Variants in UGT2B4 observed in about 807,000 individuals in gnomAD.
UGT2B4 encodes UDP-glucuronosyltransferase 2B4.
In UGT2B4, 49 loss-of-function variants were observed where a neutral mutation model predicts 49.8. The observed-to-expected ratio is 0.98, with a 90% confidence interval of 0.78 to 1.25. UGT2B4 has a LOEUF of 1.25. Ranked by LOEUF, UGT2B4 falls within the 50% of genes most tolerant of loss-of-function variation. The pLI, the probability that UGT2B4 is intolerant of heterozygous loss-of-function variation, is 0.00. For missense variants in UGT2B4, 729 were observed against 627.7 expected, an observed-to-expected ratio of 1.16 and a Z score of -1.73; for synonymous variants, 246 against 217.7, an observed-to-expected ratio of 1.13 and a Z score of -1.14.
In UGT2B4 at chr4:69,522,359, T is replaced by C. The variant is rs535342912; in HGVS notation, c.-106+3328A>G. Among the ~76,000 whole-genome samples, 4 of 152,308 alleles carry C rather than the reference T, an allele frequency of 2.6e-5. No homozygotes were observed. The East Asian group carries it at 7.7e-4, about 29-fold the overall frequency. On this transcript the variant is annotated intron_variant, in intron 1 of 1. Coordinates refer to the UGT2B4 transcript ENST00000510114. Reference sequence around the variant, plus strand: ...TCCGTTAGGTGGGAGGTAACAAACATGAAAAATCTACAGGTAAACTTCAGA... The same window carrying C: ...TCCGTTAGGTGGGAGGTAACAAACACGAAAAATCTACAGGTAAACTTCAGA...
intron 5 of UGT2B4, among the ~76,000 whole-genome samples, chr4:69,484,364 G>A (rs1322000940): frequency 6.6e-6 from 1 of 151,902 alleles, no homozygotes; most frequent in Non-Finnish European, 1.5e-5. Context: ...GCCACAACTG[G>A]AAACAATCAA....
chr4:69,491,882 T>TA (rs952042312), intron 2 of UGT2B4, among the ~76,000 whole-genome samples: 18 of 152,152 alleles, frequency 1.2e-4, no homozygotes, highest in African/African-American at 4.3e-4. Context: ...TCAACATAGA[T>TA]ATTGGATTTT....
At chr4:69,488,914 T>A (rs1367011799) in intron 3 of UGT2B4, among the ~76,000 whole-genome samples, 1 of 152,084 alleles carries the variant, frequency 6.6e-6, no homozygotes, top group Non-Finnish European at 1.5e-5. Context: ...AATAGTACCC[T>A]GAATATCACT....
At chr4:69,525,439 T>C (rs1192806861) in intron 1 of UGT2B4, among the ~76,000 whole-genome samples, 2 of 152,134 alleles carry the variant, frequency 1.3e-5, no homozygotes, top group Admixed American at 1.3e-4. Context: ...TTAGGTAAAG[T>C]ATGATACCAA....
chr4:69,495,481 A>C lies in UGT2B4; in HGVS notation c.381T>G (p.Cys127Trp). 1 of 1,612,468 alleles carries C rather than the reference A, an allele frequency of 6.2e-7. No homozygotes were observed. The highest frequency in any genetic ancestry group is 8.5e-7 in the Non-Finnish European group (1 of 1,179,054). ...WTFNDILRKFCKDIVSNKKLM... is the reference protein window; with the variant it reads ...WTFNDILRKFWKDIVSNKKLM... ...GTTTCTTATTTGAAACTATATCCTTACAGAACTTTCTAAGTATGTCATTAA... is the reference window on the plus strand; with the variant it reads ...GTTTCTTATTTGAAACTATATCCTTCCAGAACTTTCTAAGTATGTCATTAA... The change falls in exon 1 of 6, where the codon TGT becomes TGG. Residue 127 changes from cysteine to tryptophan, a missense_variant. Transcript: ENST00000305107.
intron 1 of UGT2B4, among the ~76,000 whole-genome samples, chr4:69,519,400 T>C (rs1029005299): frequency 6.6e-6 from 1 of 152,128 alleles, no homozygotes; most frequent in Non-Finnish European, 1.5e-5. Context: ...TTATTATATC[T>C]GAGATCAGAA....
rs1728122824 is a variant in UGT2B4 at position 69,495,378 on chromosome 4, C to T, written c.484G>A (p.Glu162Lys). The T allele has an allele frequency of 3.7e-6, 6 of 1,613,756 alleles. No homozygotes were observed. Among genetic ancestry groups the T allele is most frequent in the African/African-American group, 1.3e-5 (1 of 74,920 alleles). The part of the protein sequence containing the change: ...AVFPFGELLA[E>K]LLKIPFVYSL... ...TAGACAAAGGGTATTTTAAGTAACT[C>T]GGCCAGCAGCTCACCAAAGGGGAAA... Residue 162 changes from glutamate (E) to lysine (K), a missense_variant, in exon 1 of 6, where the codon GAG becomes AAG. By Grantham distance (56) the Glu-to-Lys change is moderately conservative. Coordinates refer to ENST00000305107, the MANE Select transcript of UGT2B4 (RefSeq NM_021139.3).
chr4:69,495,774 G>C lies in UGT2B4; in HGVS notation c.88C>G (p.Pro30Ala). ...TTCATCCAGTGGCTGAATTCTGTGG[G>C]CCACACCAGCACCTTTCCACAACTC... Reference protein sequence around the residue: ...SGSCGKVLVWPTEFSHWMNIK... With the variant: ...SGSCGKVLVWATEFSHWMNIK... The change falls in exon 1 of 6, where the codon CCC (proline) becomes GCC (alanine). Residue 30 changes from proline to alanine, a missense_variant. Transcript: ENST00000305107. 4 of 1,613,946 alleles carry C rather than the reference G, an allele frequency of 2.5e-6. No homozygotes were observed. Among genetic ancestry groups the C allele is most frequent in the Non-Finnish European group, 3.4e-6 (4 of 1,179,932 alleles).
chr4:69,491,239 T>C (rs1201560214), intron 2 of UGT2B4, among the ~76,000 whole-genome samples: 1 of 152,060 alleles, frequency 6.6e-6, no homozygotes, highest in Non-Finnish European at 1.5e-5. Context: ...TCACTTTACT[T>C]GTATTATAGC....
Position 69,495,293 on chromosome 4 carries a change from G to A in UGT2B4, c.569C>T (p.Pro190Leu), listed in dbSNP as rs1054275798. Residue 190 changes from proline to leucine, a missense_variant, in exon 1 of 6, where the codon CCT becomes CTT. Transcript: ENST00000305107. ...CATAACAACAGGCACATAGGAAGGA[G>A]GGAACAGAAGTCCTCCACTATGCTT... ...IEKHSGGLLF[P>L]PSYVPVVMSE... The A allele has an allele frequency of 1.4e-5, 23 of 1,613,056 alleles. No individual in the cohort carries two copies. Among genetic ancestry groups the A allele is most frequent in the Non-Finnish European group, 1.9e-5 (23 of 1,179,666 alleles).
Position 69,480,629 on chromosome 4 carries a change from C to A in UGT2B4, c.*5G>T. The A allele has an allele frequency of 6.2e-7, 1 of 1,612,386 alleles. No individual in the cohort carries two copies. The highest frequency in any genetic ancestry group is 8.5e-7 in the Non-Finnish European group (1 of 1,178,772). ...GGGTTTCCCAGCTTCCAGCCTCAGA[C>A]GTAATTAATCTCTTTTCCCCTTCTT... On this transcript the variant is annotated 3_prime_UTR_variant, in exon 6 of 6. Coordinates refer to ENST00000305107, the MANE Select transcript of UGT2B4 (RefSeq NM_021139.3).
intron 1 of UGT2B4, among the ~76,000 whole-genome samples, chr4:69,524,746 A>C (rs1728935167): frequency 6.6e-6 from 1 of 152,114 alleles, no homozygotes; most frequent in East Asian, 1.9e-4. Context: ...AACAAAGTGC[A>C]ATAAAATAAG....
At chr4:69,509,108 T>C (rs1728544332) in intron 1 of UGT2B4, among the ~76,000 whole-genome samples, 1 of 152,112 alleles carries the variant, frequency 6.6e-6, no homozygotes, top group African/African-American at 2.4e-5. Flanking sequence ...CTTAATATTA[T>C]TTTCTGAAGG....
intron 2 of UGT2B4, among the ~76,000 whole-genome samples, chr4:69,493,334 A>G (rs1453098666): frequency 1.3e-5 from 2 of 152,094 alleles, no homozygotes; most frequent in Non-Finnish European, 2.9e-5. Flanking sequence ...ATCTTTCAAA[A>G]TAGAATGTAA....
chr4:69,494,943 T>C (rs1577889594), intron 1 of UGT2B4, among the ~76,000 whole-genome samples, 198 bp downstream of exon 1: 2 of 152,172 alleles, frequency 1.3e-5, no homozygotes, highest in African/African-American at 2.4e-5. Context: ...GTATGAGTGA[T>C]GGCCACAGAG....
chr4:69,491,823 G>A (rs2109810959), intron 2 of UGT2B4, among the ~76,000 whole-genome samples: 1 of 151,982 alleles, frequency 6.6e-6, no homozygotes, highest in Non-Finnish European at 1.5e-5. Context: ...TCTTATCTCA[G>A]CTTTTGTCTC....
chr4:69,487,608 AG>A (rs1344361109), intron 3 of UGT2B4, among the ~76,000 whole-genome samples: 2 of 152,044 alleles, frequency 1.3e-5, no homozygotes, highest in African/African-American at 4.8e-5. Flanking sequence ...GGGGGTTGGG[AG>A]GAGAGAAAGG....
rs933312240 is a variant in UGT2B4, at chr4:69,490,368, T to C, written c.871-798A>G. ...CACACTGTTAAATTGATGTGCTATTTATAACTGCATGTGAGGAATTCTCAT... is the reference window on the plus strand; with the variant it reads ...CACACTGTTAAATTGATGTGCTATTCATAACTGCATGTGAGGAATTCTCAT... On this transcript the variant is annotated intron_variant, in intron 2 of 5. Transcript: ENST00000305107. Among the ~76,000 whole-genome samples, 3 of 152,308 alleles carry C rather than the reference T, an allele frequency of 2.0e-5. No individual in the cohort carries two copies. The East Asian group carries it at 5.8e-4, about 29-fold the overall frequency.
rs1029137736 is a variant in UGT2B4, at chr4:69,502,087, C to T, written c.-105-6121G>A. Reference sequence around the variant, plus strand: ...CCTTCCTTCTTTTCTTTCTTTCTTTCTCTCTCTTTCTTTCTTTCTTTCTTT... The same window carrying T: ...CCTTCCTTCTTTTCTTTCTTTCTTTTTCTCTCTTTCTTTCTTTCTTTCTTT... On this transcript the variant is annotated intron_variant, in intron 1 of 1. Transcript: ENST00000510114. 1.7e-3 allele frequency among the ~76,000 whole-genome samples: 64 copies of T among 38,346 alleles called. 2 individuals are homozygous for T. Among genetic ancestry groups the T allele is most frequent in the African/African-American group, 6.1e-3 (59 of 9,652 alleles). The allele number at this position is 38,346 out of a possible 152,430, so 25.2% of individuals were successfully genotyped here. A position where few individuals can be genotyped will look rare whatever the true frequency, so the allele number is the denominator to read the frequency against.
Sources: allele counts gnomAD v4.1 joint callset (sites outside exome capture counted in the v4.1 genomes callset), GRCh38; gene constraint gnomAD v4.1.1; transcripts MANE v1.5; gene names NCBI Gene and HGNC (gene_info 2026-07-23, HGNC 2026-07-21).